ARL13B: variants seen among roughly 807,000 people sequenced by gnomAD.
ARL13B encodes ARF like GTPase 13B, also known as ADP-ribosylation factor-like protein 13B.
ARL13B carries 36 observed loss-of-function variants against 56.1 expected under a neutral mutation model. The ratio of observed to expected loss-of-function variants is 0.64; its 90% CI spans 0.49 to 0.85. The LOEUF is 0.85. Among genes scored for constraint, ARL13B ranks in the 40% least tolerant of loss-of-function variants. The pLI, the probability that ARL13B is intolerant of heterozygous loss-of-function variation, is 0.00. For missense variants in ARL13B, 519 were observed against 507.1 expected (o/e 1.02, Z -0.23); for synonymous variants, 178 against 171.1 (o/e 1.04, Z -0.32).
intron 1 of ARL13B, among the ~76,000 whole-genome samples, chr3:93,982,111 CGAA>C (rs1206779768): frequency 2.0e-5 from 3 of 152,016 alleles, no homozygotes; most frequent in African/African-American, 4.8e-5. Flanking sequence ...ACGTGTAATT[CGAA>C]GAAGGAGTGT....
In ARL13B at chr3:94,049,752, A is replaced by G. The variant is rs558017940; in HGVS notation, c.1141+230A>G. Among the ~76,000 whole-genome samples the G allele has an allele frequency of 1.2e-4, 18 of 152,236 alleles. 1 individual carries two copies. The South Asian group carries it at 3.7e-3, about 32-fold the overall frequency. On this transcript the variant is annotated intron_variant, in intron 8 of 9. Coordinates refer to ENST00000394222, the MANE Select transcript of ARL13B (RefSeq NM_001174150.2). Reference sequence around the variant, plus strand: ...AGAAAAAAATAAGTAAAAACTATTAAGAAAATTTTACCCAGTATTTCCTAG... The same window carrying G: ...AGAAAAAAATAAGTAAAAACTATTAGGAAAATTTTACCCAGTATTTCCTAG...
At chr3:94,008,321 C>T (rs2076167396) in intron 3 of ARL13B, among the ~76,000 whole-genome samples, 1 of 152,050 alleles carries the variant, frequency 6.6e-6, no homozygotes, top group Admixed American at 6.6e-5. Flanking sequence ...CTATTTAGAG[C>T]TTAATTAATC....
rs377726526 is a variant in ARL13B at position 94,036,734 on chromosome 3, G to A, written c.669G>A (p.Val223=). 6.8e-6 allele frequency: 11 copies of A among 1,612,448 alleles called. No individual in the cohort carries two copies. The highest frequency in any genetic ancestry group is 9.3e-6 in the Non-Finnish European group (11 of 1,179,054). ...AGAAACAAGAAAGAGCTGAACGAGT[G>A]CGAAAATTACGAGAAGAAAGGTAAG... ...EQEKQERAER[V]RKLREERKQN... is the part of the protein sequence containing the mutation. The change falls in exon 5 of 10, where the codon GTG becomes GTA. Residue 223 remains valine, a synonymous_variant. Transcript: ENST00000394222.
chr3:94,040,016 G>A lies in ARL13B; in HGVS notation c.798+28G>A, dbSNP rs200856687. 1.6e-5 allele frequency: 26 copies of A among 1,593,798 alleles called. 1 individual carries two copies. The East Asian group carries it at 3.8e-4, about 23-fold the overall frequency. Reference sequence around the variant, plus strand: ...ATGAATGATGGCAAATGTAATTTTTGTATCTTAAGTTATAAGTTGGAACTT... The same window carrying A: ...ATGAATGATGGCAAATGTAATTTTTATATCTTAAGTTATAAGTTGGAACTT... On this transcript the variant is annotated intron_variant, in intron 6 of 9. Coordinates refer to ENST00000394222, the MANE Select transcript of ARL13B (RefSeq NM_001174150.2).
chr3:94,039,499 CA>C (rs11437061), intron 5 of ARL13B, among the ~76,000 whole-genome samples: 215 of 65,264 alleles, frequency 3.3e-3, no homozygotes, highest in East Asian at 0.02. Context: ...GACTCCGACT[CA>C]AAAAAAAAAA....
Position 94,010,469 on chromosome 3 carries a change from A to C in ARL13B, c.380+6561A>C, listed in dbSNP as rs150900588. Among the ~76,000 whole-genome samples the C allele has an allele frequency of 4.4e-3, 665 of 152,212 alleles. 2 individuals carry two copies. The highest frequency in any genetic ancestry group is 0.021 in the Middle Eastern group (6 of 292). ...TTTAGTAGTTATGAATATGAGCTTT[A>C]GTGCTCATAGTAATTTTTATTTTTA... is the stretch of plus-strand genomic sequence containing the variant. On this transcript the variant is annotated intron_variant, in intron 3 of 9. Transcript: ENST00000394222.
chr3:93,981,270 C>T (rs1448152190), intron 1 of ARL13B, among the ~76,000 whole-genome samples: 3 of 152,228 alleles, frequency 2.0e-5, no homozygotes, highest in African/African-American at 7.2e-5. Context: ...GAAACTGAGG[C>T]CTAACCTATA....
At chr3:94,004,953 G>T (rs1230054570) in intron 3 of ARL13B, among the ~76,000 whole-genome samples, 1 of 152,070 alleles carries the variant, frequency 6.6e-6, no homozygotes, top group East Asian at 1.9e-4. Context: ...TTTAAGCAGG[G>T]AATCAGTGAT....
At chr3:94,014,659 A>G (rs1237575781) in intron 3 of ARL13B, 1 of 1,613,560 alleles carries the variant, frequency 6.2e-7, no homozygotes. Flanking sequence ...TGCTTTAGTG[A>G]TATTGATTTC....
chr3:94,022,858 CAA>C (rs2076477557), intron 3 of ARL13B, among the ~76,000 whole-genome samples: 1 of 151,854 alleles, frequency 6.6e-6, no homozygotes, highest in Non-Finnish European at 1.5e-5. Flanking sequence ...TATTAATTAC[CAA>C]AGTTTTTCAC....
chr3:94,039,439 G>T (rs1430806944), intron 5 of ARL13B, among the ~76,000 whole-genome samples: 2 of 144,960 alleles, frequency 1.4e-5, no homozygotes, highest in Non-Finnish European at 3.0e-5. Context: ...GGTGGAGCTT[G>T]CAGTGAGCCG....
At chr3:93,986,395 T>TA (rs753832696) in intron 1 of ARL13B, among the ~76,000 whole-genome samples, 135 of 152,226 alleles carry the variant, frequency 8.9e-4, no homozygotes, top group Admixed American at 3.4e-3. Flanking sequence ...TGTACTGCAA[T>TA]AAAATCACAC....
chr3:94,036,804 A>G, intron 5 of ARL13B, 50 bp downstream of exon 5: 1 of 1,549,030 alleles, frequency 6.5e-7, no homozygotes. Flanking sequence ...TCAAAAACAT[A>G]ACAATTTTAT....
At chr3:94,041,927 C>T (rs925212087) in intron 6 of ARL13B, among the ~76,000 whole-genome samples, 9 of 152,048 alleles carry the variant, frequency 5.9e-5, no homozygotes, top group Non-Finnish European at 1.3e-4. Flanking sequence ...AGGCGTGGCA[C>T]GAACCTATAA....
intron 1 of ARL13B, among the ~76,000 whole-genome samples, chr3:93,995,220 G>A (rs533874638): frequency 6.6e-6 from 1 of 152,230 alleles, no homozygotes; most frequent in Non-Finnish European, 1.5e-5. Flanking sequence ...AGGTGAATTA[G>A]GTTCTGGTTC....
At chr3:94,018,970 T>G (rs1054937800) in intron 3 of ARL13B, among the ~76,000 whole-genome samples, 1 of 152,052 alleles carries the variant, frequency 6.6e-6, no homozygotes, top group Admixed American at 6.5e-5. Context: ...TTCACCATGT[T>G]GGCCAGGCTG....
intron 2 of ARL13B, among the ~76,000 whole-genome samples, 189 bp from the exon 3 acceptor site, chr3:94,003,470 C>T (rs1174042114): frequency 6.6e-6 from 1 of 152,116 alleles, no homozygotes; most frequent in Non-Finnish European, 1.5e-5. Context: ...AAGAAAGATT[C>T]CTATCTGCAT....
chr3:94,051,242 TGTA>T (rs1481191869), intron 9 of ARL13B, among the ~76,000 whole-genome samples: 1 of 152,102 alleles, frequency 6.6e-6, no homozygotes, highest in Non-Finnish European at 1.5e-5. Flanking sequence ...TGTTAAAAGC[TGTA>T]GTTTCCTGTA....
At chr3:94,003,157 C>G (rs1233031390) in intron 2 of ARL13B, among the ~76,000 whole-genome samples, 1 of 152,140 alleles carries the variant, frequency 6.6e-6, no homozygotes, top group Non-Finnish European at 1.5e-5. Flanking sequence ...TTAAACGTCT[C>G]TTTATTGTAA....
Sources: gnomAD v4.1 joint callset for allele counts (sites outside exome capture counted in the v4.1 genomes callset) on GRCh38, gnomAD v4.1.1 for gene constraint, MANE v1.5 for transcripts, NCBI Gene and HGNC (gene_info 2026-07-23, HGNC 2026-07-21) for gene names.